ATXN10: variants seen among roughly 807,000 people sequenced by gnomAD.
ATXN10 encodes the protein ataxin 10, also known as ataxin-10.
Under a neutral mutation model 52.9 loss-of-function variants are expected in ATXN10, and 28 were observed. That is an observed-to-expected ratio of 0.53 (90% CI 0.39 to 0.73). The LOEUF is 0.73. Ranked by LOEUF, ATXN10 falls within the 30% of genes least tolerant of loss-of-function variation. The probability of loss-of-function intolerance (pLI) is 0.00; values close to 1 mark genes in which losing one functional copy is unlikely to be tolerated. For synonymous variants in ATXN10, 226 were observed against 221.5 expected (o/e 1.02, Z -0.18); for missense variants, 565 against 577.0 (o/e 0.98, Z 0.21).
At chr22:45,740,589 A>G (rs1159203016) in intron 9 of ATXN10, 51 bp downstream of exon 9, 2 of 1,572,706 alleles carry the variant, frequency 1.3e-6, no homozygotes, top group East Asian at 2.2e-5. Context: ...CATTTAGAAT[A>G]TAGTCCTTGG....
intron 9 of ATXN10, among the ~76,000 whole-genome samples, chr22:45,797,989 A>G (rs1478571919): frequency 4.6e-5 from 7 of 152,228 alleles, no homozygotes; most frequent in African/African-American, 1.7e-4. Flanking sequence ...ACAAAATAAA[A>G]ACTGAATAAA....
chr22:45,758,195 T>C (rs1926245376), intron 9 of ATXN10, among the ~76,000 whole-genome samples: 1 of 152,172 alleles, frequency 6.6e-6, no homozygotes, highest in African/African-American at 2.4e-5. Context: ...ACACTGCTCG[T>C]GTCCCTCGGC....
At chr22:45,734,866 G>GTT (rs1925228713) in intron 7 of ATXN10, among the ~76,000 whole-genome samples, 5 of 100,372 alleles carry the variant, frequency 5.0e-5, no homozygotes, top group Non-Finnish European at 9.7e-5. Context: ...CTTGAAATGG[G>GTT]TTATATTATT....
intron 10 of ATXN10, among the ~76,000 whole-genome samples, chr22:45,813,977 T>C (rs1928373676): frequency 2.0e-5 from 3 of 152,334 alleles, no homozygotes; most frequent in South Asian, 2.1e-4. Flanking sequence ...GTTTTTCTCA[T>C]AAATGGTGCT....
At chr22:45,778,629 G>A (rs1482486398) in intron 9 of ATXN10, among the ~76,000 whole-genome samples, 1 of 152,084 alleles carries the variant, frequency 6.6e-6, no homozygotes, top group Non-Finnish European at 1.5e-5. Context: ...CATATATCTG[G>A]TACAATTAGC....
intron 9 of ATXN10, chr22:45,760,388 C>T (rs931967778): frequency 6.5e-6 from 1 of 153,958 alleles, no homozygotes; most frequent in Admixed American, 6.6e-5. Context: ...TTTCTGAGTG[C>T]TTACCATGTG....
At position 45,750,819 on chromosome 22, in the gene ATXN10, GGAAAGCTTATTACAAAAGCTTGTAA is replaced by G. The variant is rs530500910; in HGVS notation, c.1173+10282_1173+10306del. ...ATAATCCAGCAACCCGGGGAGAAAA[GGAAAGCTTATTACAAAAGCTTGTAA>G]AAAAGCTTATGTAAAGAGTTTTTCT... On this transcript the variant is annotated intron_variant, in intron 9 of 11. Coordinates refer to ENST00000252934, the MANE Select transcript of ATXN10 (RefSeq NM_013236.4). The surrounding 1 kb of genome is among the most constrained non-coding windows in gnomAD (Gnocchi z 4.2). Among the ~76,000 whole-genome samples, 8 of 152,266 alleles carry G rather than the reference GGAAAGCTTATTACAAAAGCTTGTAA, an allele frequency of 5.3e-5. No individual in the cohort carries two copies. Among genetic ancestry groups the G allele is most frequent in the African/African-American group, 1.9e-4 (8 of 41,548 alleles).
At chr22:45,807,112 G>A in intron 10 of ATXN10, 90 bp downstream of exon 10, 1 of 1,037,104 alleles carries the variant, frequency 9.6e-7, no homozygotes, top group South Asian at 1.3e-5. Flanking sequence ...TCAGTATGTA[G>A]CTGGCTGCCT....
chr22:45,685,099 T>A (rs1923083332), intron 1 of ATXN10, among the ~76,000 whole-genome samples: 1 of 151,954 alleles, frequency 6.6e-6, no homozygotes, highest in African/African-American at 2.4e-5. Context: ...ATGTAGCTTT[T>A]TTTTTTTTTT....
chr22:45,694,819 G>A (rs926980321), intron 3 of ATXN10, among the ~76,000 whole-genome samples: 2 of 150,596 alleles, frequency 1.3e-5, no homozygotes, highest in African/African-American at 4.9e-5. Context: ...GCACACGCCT[G>A]TAGTCGCAGC....
At position 45,688,479 on chromosome 22, in the gene ATXN10, A is replaced by C. The variant is rs1284802750; in HGVS notation, c.117-1233A>C. On this transcript the variant is annotated intron_variant, in intron 1 of 11. Transcript: ENST00000252934. This position sits in a 1 kb window ranked among gnomAD's most constrained non-coding sequence, Gnocchi z 4.0. The stretch of plus-strand genomic sequence containing the variant: ...ACTTAAGAAAGGCCCCGACAGAGAG[A>C]AAACATAATAAATAATGTGAGTTCT... 1.3e-5 allele frequency among the ~76,000 whole-genome samples: 2 copies of C among 152,222 alleles called. No individual in the cohort carries two copies. The highest frequency in any genetic ancestry group is 4.8e-5 in the African/African-American group (2 of 41,460).
chr22:45,687,243 T>C (rs1436604587), intron 1 of ATXN10, among the ~76,000 whole-genome samples: 2 of 152,352 alleles, frequency 1.3e-5, no homozygotes, highest in African/African-American at 4.8e-5. Context: ...ATTTATTCTA[T>C]GGTCGGGAAA....
At position 45,841,235 on chromosome 22, in the gene ATXN10, A is replaced by T. The variant is rs1441111764; in HGVS notation, c.1238-1756A>T. Among the ~76,000 whole-genome samples the T allele has an allele frequency of 6.6e-6, 1 of 152,258 alleles. No homozygotes were observed. The highest frequency in any genetic ancestry group is 1.5e-5 in the Non-Finnish European group (1 of 68,046). ...TTTGTCACGAGAGAATGACAGATAA[A>T]TGACACAATAAGAACTTTTTCCCCA... On this transcript the variant is annotated intron_variant, in intron 10 of 11. Transcript: ENST00000252934. This position sits in a 1 kb window ranked among gnomAD's most constrained non-coding sequence, Gnocchi z 5.1.
chr22:45,755,141 AG>A (rs1926127211), intron 9 of ATXN10, among the ~76,000 whole-genome samples: 2 of 152,224 alleles, frequency 1.3e-5, no homozygotes, highest in South Asian at 4.1e-4. Context: ...ACGCTTGTTC[AG>A]GACTTCCTGT....
chr22:45,842,871 C>T lies in ATXN10; in HGVS notation c.1238-120C>T. The T allele has an allele frequency of 2.6e-6, 3 of 1,149,232 alleles. No homozygotes were observed. The highest frequency in any genetic ancestry group is 1.9e-4 in the Middle Eastern group (1 of 5,194). 71.2% of individuals were successfully genotyped at this position (1,149,232 alleles called of 1,614,324 possible). On this transcript the variant is annotated intron_variant, in intron 10 of 11. Transcript: ENST00000252934. This position sits in a 1 kb window ranked among gnomAD's most constrained non-coding sequence, Gnocchi z 4.8. ...TTCAGAGAATGCATCCTCAAGAAAA[C>T]TTGTGGATTGATACTGGATGTTCCG...
chr22:45,841,604 C>T lies in ATXN10; in HGVS notation c.1238-1387C>T, dbSNP rs1261665785. 2.0e-5 allele frequency among the ~76,000 whole-genome samples: 3 copies of T among 152,168 alleles called. No individual in the cohort carries two copies. Among genetic ancestry groups the T allele is most frequent in the African/African-American group, 7.2e-5 (3 of 41,432 alleles). Reference sequence around the variant, plus strand: ...TAAGATGGAGCAACCTTTTTAAAGCCCCAAAAACACTTCCTGAGCATACAG... The same window carrying T: ...TAAGATGGAGCAACCTTTTTAAAGCTCCAAAAACACTTCCTGAGCATACAG... On this transcript the variant is annotated intron_variant, in intron 10 of 11. Transcript: ENST00000252934. The surrounding 1 kb of genome is among the most constrained non-coding windows in gnomAD (Gnocchi z 5.1).
chr22:45,761,142 G>A (rs977362398), intron 9 of ATXN10, among the ~76,000 whole-genome samples: 2 of 151,898 alleles, frequency 1.3e-5, no homozygotes. Flanking sequence ...ATTTTTTTGA[G>A]ACGGAGTCTT....
At position 45,790,169 on chromosome 22, in the gene ATXN10, C is replaced by G. The variant is rs1481706267; in HGVS notation, c.1174-16790C>G. 1.3e-5 allele frequency among the ~76,000 whole-genome samples: 2 copies of G among 152,148 alleles called. No homozygotes were observed. The highest frequency in any genetic ancestry group is 1.3e-4 in the Admixed American group (2 of 15,268). On this transcript the variant is annotated intron_variant, in intron 9 of 11. Transcript: ENST00000252934. This position sits in a 1 kb window ranked among gnomAD's most constrained non-coding sequence, Gnocchi z 4.7. ...TAAATTGAAATTCAAAATATATTCT[C>G]CCTGATTTCTTATTCTGCACAATCC...
At position 45,843,223 on chromosome 22, in the gene ATXN10, A is replaced by G. The variant is rs1301736589; in HGVS notation, c.1425+45A>G. 12 of 1,599,878 alleles carry G rather than the reference A, an allele frequency of 7.5e-6. No homozygotes were observed. Among genetic ancestry groups the G allele is most frequent in the Non-Finnish European group, 1.0e-5 (12 of 1,167,876 alleles). ...CTGTCCTTCCCTTTGGTTTGTAGAA[A>G]GCTGTTTCCACTTCCCCATTGCTTC... On this transcript the variant is annotated intron_variant, in intron 11 of 11. Transcript: ENST00000252934. The surrounding 1 kb of genome is among the most constrained non-coding windows in gnomAD (Gnocchi z 4.5).
Sources: allele counts gnomAD v4.1 joint callset (sites outside exome capture counted in the v4.1 genomes callset), GRCh38; gene constraint gnomAD v4.1.1; non-coding constraint Gnocchi (gnomAD v3.1); transcripts MANE v1.5; gene names NCBI Gene and HGNC (gene_info 2026-07-23, HGNC 2026-07-21).